Variants in PHACTR1 observed in about 807,000 individuals in gnomAD.
PHACTR1 encodes RPEL repeat containing 1.
A neutral mutation model predicts 69.2 loss-of-function variants in PHACTR1; 16 were observed. The observed-to-expected ratio is 0.23, with a 90% CI of 0.16 to 0.35. PHACTR1 has a LOEUF of 0.35. Among genes scored for constraint, PHACTR1 ranks in the 10% least tolerant of loss-of-function variants. The probability of loss-of-function intolerance (pLI) is 1.00; values close to 1 mark genes in which losing one functional copy is unlikely to be tolerated. For missense variants in PHACTR1, 510 were observed against 734.7 expected, an observed-to-expected ratio of 0.69 and a Z score of 3.54; for synonymous variants, 312 against 284.5, an observed-to-expected ratio of 1.10 and a Z score of -0.97.
intron 4 of PHACTR1, among the ~76,000 whole-genome samples, chr6:12,888,441 A>C (rs1783855458): frequency 6.6e-6 from 1 of 152,240 alleles, no homozygotes; most frequent in African/African-American, 2.4e-5. Flanking sequence ...AAATAGACTA[A>C]GACATGTATC....
At chr6:12,960,681 C>A (rs1340191125) in intron 4 of PHACTR1, among the ~76,000 whole-genome samples, 1 of 152,160 alleles carries the variant, frequency 6.6e-6, no homozygotes, top group African/African-American at 2.4e-5. Context: ...TTGATTTTTC[C>A]TGCCTCAGCC....
chr6:12,798,082 T>C (rs1252816330), intron 4 of PHACTR1, among the ~76,000 whole-genome samples: 2 of 25,080 alleles, frequency 8.0e-5, no homozygotes, highest in Non-Finnish European at 9.1e-5. Flanking sequence ...CTACATAAGC[T>C]CTATAAGGGG....
At chr6:12,828,722 C>A (rs1203498325) in intron 4 of PHACTR1, among the ~76,000 whole-genome samples, 1 of 151,234 alleles carries the variant, frequency 6.6e-6, no homozygotes, top group African/African-American at 2.4e-5. Flanking sequence ...CAAAAACCGA[C>A]CAAAAAATTA....
chr6:12,839,009 C>A (rs1238567915), intron 4 of PHACTR1, among the ~76,000 whole-genome samples: 1 of 152,164 alleles, frequency 6.6e-6, no homozygotes, highest in Non-Finnish European at 1.5e-5. Context: ...GTCATTTACT[C>A]TAAATGGTTC....
chr6:12,804,878 T>G (rs969470593), intron 4 of PHACTR1, among the ~76,000 whole-genome samples: 1 of 152,192 alleles, frequency 6.6e-6, no homozygotes, highest in Non-Finnish European at 1.5e-5. Context: ...CTTACGTATG[T>G]GAAAATAAAT....
intron 5 of PHACTR1, among the ~76,000 whole-genome samples, chr6:13,137,432 A>G (rs762301170): frequency 1.1e-4 from 17 of 152,258 alleles, no homozygotes; most frequent in African/African-American, 3.9e-4. Context: ...GATAGAATAA[A>G]TGAATAACTG....
chr6:12,957,607 C>T, intron 4 of PHACTR1: 2 of 985,606 alleles, frequency 2.0e-6, no homozygotes, highest in Non-Finnish European at 2.4e-6. Flanking sequence ...TGAGTACCCG[C>T]AGGTCACACC....
At chr6:13,270,455 A>AGCCC (rs1777480098) in intron 10 of PHACTR1, among the ~76,000 whole-genome samples, 1 of 152,298 alleles carries the variant, frequency 6.6e-6, no homozygotes, top group African/African-American at 2.4e-5. Flanking sequence ...TCTGGTGGCC[A>AGCCC]GCCCCATCCT....
At chr6:12,988,419 C>A (rs1796439501) in intron 4 of PHACTR1, among the ~76,000 whole-genome samples, 1 of 152,152 alleles carries the variant, frequency 6.6e-6, no homozygotes. Flanking sequence ...GCTAAATATT[C>A]ATAATGAAGT....
At chr6:12,918,888 T>C (rs903083470) in intron 4 of PHACTR1, among the ~76,000 whole-genome samples, 4 of 152,214 alleles carry the variant, frequency 2.6e-5, no homozygotes, top group Non-Finnish European at 5.9e-5. Context: ...GACCTTTTAG[T>C]GGTAGTCCAG....
chr6:12,916,747 A>G (rs997940947), intron 4 of PHACTR1, among the ~76,000 whole-genome samples: 2 of 152,210 alleles, frequency 1.3e-5, no homozygotes, highest in African/African-American at 4.8e-5. Flanking sequence ...AAATAGATCA[A>G]AATTAAAATG....
At chr6:13,046,213 G>C (rs1219819747) in intron 4 of PHACTR1, among the ~76,000 whole-genome samples, 1 of 152,044 alleles carries the variant, frequency 6.6e-6, no homozygotes, top group African/African-American at 2.4e-5. Context: ...TGGTTCCTAG[G>C]TAGAAAGATA....
intron 4 of PHACTR1, among the ~76,000 whole-genome samples, chr6:12,968,784 C>A (rs776341335): frequency 3.1e-4 from 47 of 152,146 alleles, no homozygotes; most frequent in Admixed American, 7.2e-4. Context: ...CCAGGCAAAT[C>A]ATGAAACTAG....
intron 4 of PHACTR1, among the ~76,000 whole-genome samples, chr6:12,769,629 C>T (rs368126482): frequency 6.6e-6 from 1 of 152,202 alleles, no homozygotes; most frequent in East Asian, 1.9e-4. Context: ...GGTCTTAGAA[C>T]GGTCGTGGGT....
chr6:12,923,510 C>T (rs988036605), intron 4 of PHACTR1, among the ~76,000 whole-genome samples: 9 of 152,170 alleles, frequency 5.9e-5, no homozygotes, highest in African/African-American at 2.2e-4. Context: ...AAAAGAGAAT[C>T]GCATTTGCTA....
chr6:12,856,345 C>T (rs933928256), intron 4 of PHACTR1, among the ~76,000 whole-genome samples: 3 of 151,560 alleles, frequency 2.0e-5, no homozygotes, highest in Non-Finnish European at 1.5e-5. Flanking sequence ...GCTCCGCCTC[C>T]CAGGCTCAAG....
intron 4 of PHACTR1, among the ~76,000 whole-genome samples, chr6:12,810,982 C>A (rs951753505): frequency 6.6e-6 from 1 of 152,176 alleles, no homozygotes; most frequent in Admixed American, 6.5e-5. Context: ...GTGTCAGTTG[C>A]CTGTCCTCAC....
intron 4 of PHACTR1, among the ~76,000 whole-genome samples, chr6:12,889,217 G>T (rs1265200663): frequency 2.6e-5 from 4 of 152,192 alleles, no homozygotes; most frequent in Admixed American, 2.6e-4. Flanking sequence ...GCTGCAATTA[G>T]CTGTGTTTAT....
At chr6:12,971,716 A>G (rs1244249267) in intron 4 of PHACTR1, among the ~76,000 whole-genome samples, 1 of 152,234 alleles carries the variant, frequency 6.6e-6, no homozygotes, top group Non-Finnish European at 1.5e-5. Context: ...TGCATAATAC[A>G]ATTTTGCAAA....
Sources: gnomAD v4.1 joint callset for allele counts (sites outside exome capture counted in the v4.1 genomes callset) on GRCh38, gnomAD v4.1.1 for gene constraint, MANE v1.5 for transcripts, NCBI Gene and HGNC (gene_info 2026-07-23, HGNC 2026-07-21) for gene names.